CDH13: variants seen among roughly 807,000 people sequenced by gnomAD.
CDH13 encodes cadherin 13, also known as cadherin-13.
CDH13 carries 24 observed loss-of-function variants against 63.8 expected under a neutral mutation model. The observed-to-expected ratio is 0.38, with a 90% CI of 0.27 to 0.53. The LOEUF is 0.53. Among genes scored for constraint, CDH13 ranks in the 20% least tolerant of loss-of-function variants. CDH13 has a pLI of 0.85. For synonymous variants in CDH13, 503 were observed against 355.3 expected, an observed-to-expected ratio of 1.42 and a Z score of -4.67; for missense variants, 1,049 against 903.1, an observed-to-expected ratio of 1.16 and a Z score of -2.07.
intron 6 of CDH13, among the ~76,000 whole-genome samples, chr16:83,370,886 G>C (rs919352530): frequency 4.6e-5 from 7 of 152,100 alleles, no homozygotes; most frequent in African/African-American, 1.4e-4. Flanking sequence ...TGGGCATTTA[G>C]GTTGAATCCC....
chr16:82,919,884 C>T (rs1297909455), intron 2 of CDH13, among the ~76,000 whole-genome samples: 1 of 152,126 alleles, frequency 6.6e-6, no homozygotes, highest in African/African-American at 2.4e-5. Context: ...AAATAATAGT[C>T]CTTGCCTTAT....
intron 6 of CDH13, among the ~76,000 whole-genome samples, chr16:83,357,275 A>C (rs1010512244): frequency 6.6e-6 from 1 of 152,132 alleles, no homozygotes; most frequent in Non-Finnish European, 1.5e-5. Context: ...GTTGGCTCAC[A>C]CTAAAGTCAT....
intron 11 of CDH13, among the ~76,000 whole-genome samples, chr16:83,752,298 C>G (rs761656634): frequency 6.6e-6 from 1 of 152,128 alleles, no homozygotes; most frequent in Non-Finnish European, 1.5e-5. Context: ...TTACCAGAAG[C>G]GAGAGCCTTC....
intron 2 of CDH13, among the ~76,000 whole-genome samples, chr16:82,923,196 T>C (rs1252064094): frequency 6.6e-6 from 1 of 152,154 alleles, no homozygotes; most frequent in Non-Finnish European, 1.5e-5. Context: ...AAGGGAAGCA[T>C]AATAAAAGGA....
Position 82,879,277 on chromosome 16 carries a change from G to T in CDH13, c.157+20804G>T, listed in dbSNP as rs773145439. Among the ~76,000 whole-genome samples, 12 of 151,912 alleles carry T rather than the reference G, an allele frequency of 7.9e-5. No homozygotes were observed. The South Asian group carries it at 1.5e-3, about 18-fold the overall frequency. On this transcript the variant is annotated intron_variant, in intron 2 of 13. Transcript: ENST00000567109. ...AGCTCCTTAGCTTCTCTGCACTTTAGGTTTCTTTTTTAAGGAACACTGAAG... is the reference window on the plus strand; with the variant it reads ...AGCTCCTTAGCTTCTCTGCACTTTATGTTTCTTTTTTAAGGAACACTGAAG...
At chr16:83,225,417 C>G (rs552758040) in intron 5 of CDH13, among the ~76,000 whole-genome samples, 48 of 152,308 alleles carry the variant, frequency 3.2e-4, no homozygotes, top group African/African-American at 1.1e-3. Context: ...GAGAGCCAGG[C>G]AAATTTGTCC....
chr16:83,212,450 G>A (rs1055492391), intron 4 of CDH13, among the ~76,000 whole-genome samples: 1 of 152,150 alleles, frequency 6.6e-6, no homozygotes, highest in South Asian at 2.1e-4. Flanking sequence ...TCCTCGCCAA[G>A]CTTCCTCCAA....
intron 3 of CDH13, among the ~76,000 whole-genome samples, chr16:83,060,887 A>G (rs1185920318): frequency 6.6e-6 from 1 of 151,976 alleles, no homozygotes; most frequent in Non-Finnish European, 1.5e-5. Flanking sequence ...ACCTATTCCA[A>G]CTGGTACTAC....
chr16:82,916,333 T>G (rs1254329993), intron 2 of CDH13, among the ~76,000 whole-genome samples: 1 of 152,114 alleles, frequency 6.6e-6, no homozygotes, highest in East Asian at 1.9e-4. Flanking sequence ...CCCAGCACTT[T>G]GGGAGGCCGA....
chr16:83,198,699 C>T (rs572541402), intron 4 of CDH13, among the ~76,000 whole-genome samples: 3 of 152,174 alleles, frequency 2.0e-5, no homozygotes, highest in Non-Finnish European at 2.9e-5. Context: ...TTGGTAGAAA[C>T]GGAATAAATA....
At chr16:83,066,372 G>C (rs933029409) in intron 3 of CDH13, among the ~76,000 whole-genome samples, 1 of 152,164 alleles carries the variant, frequency 6.6e-6, no homozygotes, top group South Asian at 2.1e-4. Flanking sequence ...CCCAAGATGT[G>C]AGACTTTCAG....
intron 7 of CDH13, among the ~76,000 whole-genome samples, chr16:83,560,601 G>T (rs929726239): frequency 1.3e-5 from 2 of 152,212 alleles, no homozygotes; most frequent in African/African-American, 2.4e-5. Context: ...ACTATTTAGA[G>T]TTTCACTTAA....
intron 5 of CDH13, among the ~76,000 whole-genome samples, chr16:83,282,262 A>G (rs2089196977): frequency 6.6e-6 from 1 of 152,236 alleles, no homozygotes; most frequent in South Asian, 2.1e-4. Flanking sequence ...CATAATAATA[A>G]TGAAAAATGT....
At position 83,014,780 on chromosome 16, in the gene CDH13, A is replaced by ATTTG. The variant is rs1914559928; in HGVS notation, c.158-17229_158-17228insTTGT. 2.5e-5 allele frequency among the ~76,000 whole-genome samples: 3 copies of ATTTG among 117,886 alleles called. 1 individual carries two copies. The highest frequency in any genetic ancestry group is 5.2e-5 in the Non-Finnish European group (3 of 58,198). The allele number at this position is 117,886 out of a possible 152,430, so 77.3% of individuals were successfully genotyped here. On this transcript the variant is annotated intron_variant, in intron 2 of 13. Coordinates refer to ENST00000567109, the MANE Select transcript of CDH13 (RefSeq NM_001257.5). ...TATATATATATATATATATATGTATATATATATATTTGTATATATATATGT... is the reference window on the plus strand; with the variant it reads ...TATATATATATATATATATATGTATATTTGTATATATATTTGTATATATATATGT...
At chr16:83,009,507 C>G (rs532364632) in intron 2 of CDH13, among the ~76,000 whole-genome samples, 57 of 152,206 alleles carry the variant, frequency 3.7e-4, no homozygotes, top group Middle Eastern at 3.4e-3. Flanking sequence ...CATCATGATT[C>G]CCATTTTATA....
chr16:83,329,775 A>G (rs1045046988), intron 5 of CDH13, among the ~76,000 whole-genome samples: 4 of 152,106 alleles, frequency 2.6e-5, no homozygotes, highest in African/African-American at 7.2e-5. Context: ...ATCACACAGT[A>G]TTTGTCTTTT....
At chr16:83,338,101 A>C (rs1330994887) in intron 5 of CDH13, among the ~76,000 whole-genome samples, 1 of 151,270 alleles carries the variant, frequency 6.6e-6, no homozygotes, top group African/African-American at 2.4e-5. Flanking sequence ...GTATTTGTTC[A>C]GATTGTTTTA....
At chr16:82,982,738 A>T (rs769816178) in intron 2 of CDH13, among the ~76,000 whole-genome samples, 4 of 152,132 alleles carry the variant, frequency 2.6e-5, no homozygotes, top group Non-Finnish European at 5.9e-5. Flanking sequence ...ATACAAGTAA[A>T]CGCATCACAA....
intron 10 of CDH13, among the ~76,000 whole-genome samples, chr16:83,737,385 A>G (rs1049179481): frequency 6.6e-6 from 1 of 152,250 alleles, no homozygotes; most frequent in South Asian, 2.1e-4. Context: ...TTCACCATTG[A>G]TAGTGATGAA....
Sources: gnomAD v4.1 joint callset for allele counts (sites outside exome capture counted in the v4.1 genomes callset) on GRCh38, gnomAD v4.1.1 for gene constraint, MANE v1.5 for transcripts, NCBI Gene and HGNC (gene_info 2026-07-23, HGNC 2026-07-21) for gene names.